CAPZB: variants seen among roughly 807,000 people sequenced by gnomAD.
The protein encoded by CAPZB is F-actin-capping protein subunit beta.
In CAPZB, 2 loss-of-function variants were observed where a neutral mutation model predicts 38.1. That is an observed-to-expected ratio of 0.05 (90% CI 0.02 to 0.17). The LOEUF is 0.17. Ranked by LOEUF, CAPZB falls within the 10% of genes least tolerant of loss-of-function variation. The pLI, the probability that CAPZB is intolerant of heterozygous loss-of-function variation, is 1.00. For missense variants in CAPZB, 161 were observed against 334.2 expected, an observed-to-expected ratio of 0.48 and a Z score of 4.04; for synonymous variants, 107 against 127.4, an observed-to-expected ratio of 0.84 and a Z score of 1.08.
intron 1 of CAPZB, among the ~76,000 whole-genome samples, chr1:19,421,065 C>A (rs544281488): frequency 1.3e-5 from 2 of 152,216 alleles, no homozygotes; most frequent in East Asian, 3.9e-4. Flanking sequence ...CAGATGGAGT[C>A]CCCAACACTA....
intron 4 of CAPZB, among the ~76,000 whole-genome samples, chr1:19,365,875 G>A (rs2094081677): frequency 6.6e-6 from 1 of 152,078 alleles, no homozygotes; most frequent in African/African-American, 2.4e-5. Context: ...AACGCCCACA[G>A]CCTTGATGAG....
intron 2 of CAPZB, among the ~76,000 whole-genome samples, chr1:19,412,274 T>G (rs1369827523): frequency 6.6e-6 from 1 of 152,140 alleles, no homozygotes. Flanking sequence ...GCTCCAGAGA[T>G]AACATTCGGC....
At chr1:19,428,699 G>A (rs1441301123) in intron 1 of CAPZB, among the ~76,000 whole-genome samples, 1 of 152,122 alleles carries the variant, frequency 6.6e-6, no homozygotes, top group Non-Finnish European at 1.5e-5. Flanking sequence ...GGCAAAATCC[G>A]CACCTAAACC....
chr1:19,415,116 C>A (rs2094373370), intron 2 of CAPZB, among the ~76,000 whole-genome samples: 1 of 152,244 alleles, frequency 6.6e-6, no homozygotes, highest in South Asian at 2.1e-4. Flanking sequence ...CATTCCCCCA[C>A]AGTTCCCTGG....
chr1:19,358,178 C>T (rs1464859510), intron 4 of CAPZB, among the ~76,000 whole-genome samples: 1 of 152,232 alleles, frequency 6.6e-6, no homozygotes, highest in Non-Finnish European at 1.5e-5. Flanking sequence ...CTCACCATCT[C>T]CCAGGCTGGA....
intron 4 of CAPZB, among the ~76,000 whole-genome samples, chr1:19,361,232 T>A (rs1011022178): frequency 7.2e-5 from 11 of 152,236 alleles, no homozygotes; most frequent in African/African-American, 2.7e-4. Flanking sequence ...GCGTGGTCAA[T>A]CTCTCACTTC....
intron 4 of CAPZB, among the ~76,000 whole-genome samples, chr1:19,367,189 G>A (rs1161001140): frequency 1.3e-5 from 2 of 152,278 alleles, no homozygotes; most frequent in Non-Finnish European, 1.5e-5. Flanking sequence ...GCTGGAGAGT[G>A]TGGGTTCTCT....
rs1326121541 is a variant in CAPZB at position 19,342,946 on chromosome 1, A to G, written c.731+1412T>C. 3.5e-6 allele frequency: 3 copies of G among 859,474 alleles called. No homozygotes were observed. The East Asian group carries it at 7.3e-5, about 21-fold the overall frequency. The allele number at this position is 859,474 out of a possible 1,614,324, so 53.2% of individuals were successfully genotyped here. On this transcript the variant is annotated intron_variant, in intron 8 of 8. Transcript: ENST00000264202. ...GGAACGCAGGGGGCCACAGCTGAGG[A>G]GGAAATTCAGGGAGACCCACGAGGC...
chr1:19,420,636 G>T (rs1405676234), intron 1 of CAPZB, among the ~76,000 whole-genome samples: 1 of 151,902 alleles, frequency 6.6e-6, no homozygotes, highest in Non-Finnish European at 1.5e-5. Context: ...TTGCCATATT[G>T]CCCAGGGTGG....
intron 1 of CAPZB, among the ~76,000 whole-genome samples, chr1:19,421,905 A>G (rs2094402655): frequency 6.6e-6 from 1 of 152,200 alleles, no homozygotes; most frequent in Admixed American, 6.5e-5. Flanking sequence ...ATAAACATAC[A>G]GCTTTTAAAT....
intron 1 of CAPZB, among the ~76,000 whole-genome samples, chr1:19,456,267 C>T (rs2094532791): frequency 6.6e-6 from 1 of 152,120 alleles, no homozygotes; most frequent in South Asian, 2.1e-4. Context: ...GTAAACAGAA[C>T]ACATTGAAGA....
At chr1:19,382,507 T>C (rs1399497206) in intron 3 of CAPZB, among the ~76,000 whole-genome samples, 1 of 152,064 alleles carries the variant, frequency 6.6e-6, no homozygotes, top group African/African-American at 2.4e-5. Flanking sequence ...ACAGTCAGGA[T>C]GGAAATCTGT....
At chr1:19,449,295 G>A in intron 1 of CAPZB, 1 of 1,041,890 alleles carries the variant, frequency 9.6e-7, no homozygotes, top group Non-Finnish European at 1.2e-6. Context: ...GAAATGCACT[G>A]GCCTGGCGAG....
intron 1 of CAPZB, among the ~76,000 whole-genome samples, chr1:19,452,793 C>CTTTTTTTTTT (rs34430556): frequency 5.9e-5 from 7 of 118,428 alleles, no homozygotes; most frequent in East Asian, 2.4e-4. Context: ...TAATTTCTTT[C>CTTTTTTTTTT]TTTTTTTTTT....
At chr1:19,472,515 T>A (rs534345214) in intron 1 of CAPZB, among the ~76,000 whole-genome samples, 1 of 152,054 alleles carries the variant, frequency 6.6e-6, no homozygotes, top group Non-Finnish European at 1.5e-5. Context: ...ATCCTCATAC[T>A]ATGCTCTATT....
chr1:19,469,741 T>TATACACACACACAC (rs369308849), intron 1 of CAPZB, among the ~76,000 whole-genome samples: 1 of 136,620 alleles, frequency 7.3e-6, no homozygotes, highest in African/African-American at 2.8e-5. Flanking sequence ...AGGAAAAGAA[T>TATACACACACACAC]ACACACACAC....
At chr1:19,372,309 G>C (rs1355712139) in intron 4 of CAPZB, among the ~76,000 whole-genome samples, 3 of 152,218 alleles carry the variant, frequency 2.0e-5, no homozygotes, top group Admixed American at 2.0e-4. Flanking sequence ...TCCAAGCCAA[G>C]AGCCAAGGAC....
chr1:19,460,766 C>A (rs1240948746), intron 1 of CAPZB, among the ~76,000 whole-genome samples: 1 of 151,824 alleles, frequency 6.6e-6, no homozygotes, highest in Admixed American at 6.6e-5. Context: ...GCACACATTC[C>A]CCACGGATAG....
intron 2 of CAPZB, among the ~76,000 whole-genome samples, chr1:19,398,227 T>C (rs2094283124): frequency 1.0e-5 from 1 of 97,776 alleles, no homozygotes; most frequent in African/African-American, 2.9e-5. Context: ...ACAGTCATCC[T>C]GCCACACCTG....
Sources: gnomAD v4.1 joint callset for allele counts (sites outside exome capture counted in the v4.1 genomes callset) on GRCh38, gnomAD v4.1.1 for gene constraint, MANE v1.5 for transcripts, NCBI Gene and HGNC (gene_info 2026-07-23, HGNC 2026-07-21) for gene names.